The following TTC7B variants were observed in gnomAD, a reference collection of about 807,000 sequenced individuals.
TTC7B encodes the protein tetratricopeptide repeat domain 7B.
Under a neutral mutation model 106.8 loss-of-function variants are expected in TTC7B, and 28 were observed. The observed-to-expected ratio is 0.26, with a 90% CI of 0.19 to 0.36. The LOEUF (loss-of-function observed/expected upper bound fraction) is 0.36, where lower values mean the gene tolerates loss of function less well. Ranked by LOEUF, TTC7B falls within the 10% of genes least tolerant of loss-of-function variation. The pLI is 1.00. For synonymous variants in TTC7B, 405 were observed against 430.6 expected (o/e 0.94, Z 0.74); for missense variants, 862 against 1,076.4 (o/e 0.80, Z 2.79).
At position 90,751,667 on chromosome 14, in the gene TTC7B, A is replaced by C. The variant is rs574784697; in HGVS notation, c.446-6745T>G. Among the ~76,000 whole-genome samples, 179 of 152,198 alleles carry C rather than the reference A, an allele frequency of 1.2e-3. 1 individual carries two copies. Among genetic ancestry groups the C allele is most frequent in the Middle Eastern group, 3.4e-3 (1 of 294 alleles). ...CTGGTCTCAAACTCCTGACCTCAAGAGATGCTCCTGCCTTGGCCTCCCAAA... is the reference window on the plus strand; with the variant it reads ...CTGGTCTCAAACTCCTGACCTCAAGCGATGCTCCTGCCTTGGCCTCCCAAA... On this transcript the variant is annotated intron_variant, in intron 3 of 19. Transcript: ENST00000328459.
At chr14:90,696,751 A>G (rs1887766065) in intron 5 of TTC7B, among the ~76,000 whole-genome samples, 1 of 152,206 alleles carries the variant, frequency 6.6e-6, no homozygotes, top group African/African-American at 2.4e-5. Flanking sequence ...TCACCCACAC[A>G]TATCAGATGA....
intron 3 of TTC7B, among the ~76,000 whole-genome samples, chr14:90,770,891 T>TA (rs1327347756): frequency 1.3e-5 from 2 of 152,172 alleles, no homozygotes; most frequent in East Asian, 3.9e-4. Context: ...TGACACATGT[T>TA]ACAACATGGA....
intron 3 of TTC7B, among the ~76,000 whole-genome samples, chr14:90,777,969 G>A (rs145017598): frequency 4.6e-5 from 7 of 152,316 alleles, no homozygotes; most frequent in Admixed American, 1.3e-4. Context: ...CTTGATGGGC[G>A]GGGAAACAGG....
intron 3 of TTC7B, among the ~76,000 whole-genome samples, chr14:90,777,784 A>G (rs1891080515): frequency 6.6e-6 from 1 of 152,194 alleles, no homozygotes; most frequent in Non-Finnish European, 1.5e-5. Context: ...GTCTCTGGGC[A>G]TCTCCATGAA....
At position 90,538,905 on chromosome 14, in the gene TTC7B, G is replaced by GAGAATGA. The variant is rs746958252; in HGVS notation, c.*2462_*2463insTCATTCT. ...TTCCACCTCCTCATTCTCTTTTTCT[G>GAGAATGA]TGTTGGCATCATTCTCAGGCAGGCC... On this transcript the variant is annotated 3_prime_UTR_variant, in exon 20 of 20. Transcript: ENST00000328459. 1 of 152,140 alleles carries GAGAATGA rather than the reference G, an allele frequency of 6.6e-6. No homozygotes were observed. The highest frequency in any genetic ancestry group is 2.4e-5 in the African/African-American group (1 of 41,404). 9.4% of individuals were successfully genotyped at this position (152,140 alleles called of 1,614,324 possible). A position where few individuals can be genotyped will look rare whatever the true frequency, so the allele number is the denominator to read the frequency against.
At chr14:90,766,134 C>CT (rs1555397454) in intron 3 of TTC7B, among the ~76,000 whole-genome samples, 4 of 105,980 alleles carry the variant, frequency 3.8e-5, no homozygotes, top group Non-Finnish European at 5.6e-5. Context: ...CAGCCTACAA[C>CT]GTTTTTTTTT....
intron 15 of TTC7B, among the ~76,000 whole-genome samples, chr14:90,632,409 G>C (rs543356865): frequency 2.0e-5 from 3 of 152,088 alleles, no homozygotes; most frequent in Non-Finnish European, 4.4e-5. Context: ...GTGTGTGCCC[G>C]AGTGAAAAAG....
chr14:90,784,973 T>C (rs1891337771), intron 2 of TTC7B, among the ~76,000 whole-genome samples: 1 of 152,136 alleles, frequency 6.6e-6, no homozygotes, highest in Non-Finnish European at 1.5e-5. Context: ...ACTCAAAGGT[T>C]GCCCAGGCCC....
rs1231529187 is a variant in TTC7B at position 90,538,872 on chromosome 14, G to A, written c.*2496C>T. ...GTGCTCCAGCGGTGACCCGGGGCCC[G>A]GCTCTCTTTCCACCTCCTCATTCTC... On this transcript the variant is annotated 3_prime_UTR_variant, in exon 20 of 20. Transcript: ENST00000328459. The A allele has an allele frequency of 2.0e-5, 3 of 152,098 alleles. No homozygotes were observed. Among genetic ancestry groups the A allele is most frequent in the South Asian group, 2.1e-4 (1 of 4,828 alleles). 9.4% of individuals were successfully genotyped at this position (152,098 alleles called of 1,614,324 possible). A position where few individuals can be genotyped will look rare whatever the true frequency, so the allele number is the denominator to read the frequency against.
intron 18 of TTC7B, among the ~76,000 whole-genome samples, chr14:90,580,960 C>T (rs1352427239): frequency 6.6e-6 from 1 of 152,176 alleles, no homozygotes; most frequent in African/African-American, 2.4e-5. Flanking sequence ...TGACCTTTGA[C>T]CTCAATCAGC....
intron 9 of TTC7B, among the ~76,000 whole-genome samples, chr14:90,673,657 C>G (rs1421178514): frequency 6.6e-6 from 1 of 152,198 alleles, no homozygotes; most frequent in African/African-American, 2.4e-5. Flanking sequence ...CACAACAACA[C>G]TGTTCATAGT....
intron 9 of TTC7B, among the ~76,000 whole-genome samples, chr14:90,659,242 A>T (rs533476651): frequency 4.8e-5 from 7 of 145,134 alleles, no homozygotes; most frequent in Non-Finnish European, 8.9e-5. Flanking sequence ...AGAGAGAGAG[A>T]GTGTGTGGAG....
At chr14:90,777,739 C>T (rs117048218) in intron 3 of TTC7B, among the ~76,000 whole-genome samples, 2,554 of 152,324 alleles carry the variant, frequency 0.017, 30 homozygotes, top group Non-Finnish European at 0.028. Flanking sequence ...AGAGCTAGGA[C>T]TGAGGGCCTC....
chr14:90,677,211 G>C (rs532548109), intron 8 of TTC7B, among the ~76,000 whole-genome samples: 1 of 152,254 alleles, frequency 6.6e-6, no homozygotes, highest in East Asian at 1.9e-4. Context: ...ATCTTCACTG[G>C]AACAGAACAC....
chr14:90,719,523 A>G (rs17126976), intron 5 of TTC7B, among the ~76,000 whole-genome samples: 36,273 of 152,044 alleles, frequency 0.24, 4,914 homozygotes, highest in African/African-American at 0.36. Context: ...AAGACCCTGA[A>G]GACGTGGGGC....
intron 7 of TTC7B, 52 bp downstream of exon 7, chr14:90,689,488 C>T: frequency 1.3e-6 from 2 of 1,514,892 alleles, no homozygotes; most frequent in South Asian, 1.2e-5. Flanking sequence ...TGAATTTTCC[C>T]AAGTTTTCCT....
At chr14:90,573,889 C>T (rs896566967) in intron 19 of TTC7B, among the ~76,000 whole-genome samples, 2 of 152,236 alleles carry the variant, frequency 1.3e-5, no homozygotes, top group African/African-American at 4.8e-5. Flanking sequence ...ATCAGCTCCC[C>T]TCCACGCAAC....
chr14:90,775,613 C>A (rs1891001531), intron 3 of TTC7B, among the ~76,000 whole-genome samples: 1 of 152,116 alleles, frequency 6.6e-6, no homozygotes, highest in African/African-American at 2.4e-5. Context: ...AGGAGCCCAG[C>A]TCCTCCACCT....
At chr14:90,604,312 G>A (rs1385971614) in intron 17 of TTC7B, among the ~76,000 whole-genome samples, 1 of 152,184 alleles carries the variant, frequency 6.6e-6, no homozygotes. Context: ...AAGAGAAAAT[G>A]TCTATTTTAA....
Sources: allele counts gnomAD v4.1 joint callset (sites outside exome capture counted in the v4.1 genomes callset), GRCh38; gene constraint gnomAD v4.1.1; transcripts MANE v1.5; gene names NCBI Gene and HGNC (gene_info 2026-07-23, HGNC 2026-07-21).